The following CNTN4 variants were observed in gnomAD, a reference collection of about 807,000 sequenced individuals.
The protein encoded by CNTN4 is contactin 4.
In CNTN4, 77 loss-of-function variants were observed where a neutral mutation model predicts 122.5. The observed-to-expected ratio is 0.63, with a 90% CI of 0.52 to 0.76. The LOEUF is 0.76. Ranked by LOEUF, CNTN4 falls within the 30% of genes least tolerant of loss-of-function variation. The pLI is 0.00. For missense variants in CNTN4, 1,256 were observed against 1,259.1 expected, an observed-to-expected ratio of 1.00 and a Z score of 0.04; for synonymous variants, 512 against 447.0, an observed-to-expected ratio of 1.15 and a Z score of -1.83.
At chr3:2,863,478 G>A (rs1361438449) in intron 7 of CNTN4, among the ~76,000 whole-genome samples, 1 of 125,420 alleles carries the variant, frequency 8.0e-6, no homozygotes, top group East Asian at 2.2e-4. Context: ...CATAAGAAAT[G>A]GTTACGCTGT....
chr3:2,388,625 A>C (rs1198342608), intron 3 of CNTN4, among the ~76,000 whole-genome samples: 1 of 152,132 alleles, frequency 6.6e-6, no homozygotes, highest in African/African-American at 2.4e-5. Context: ...CAGGCAGATC[A>C]CTGGAGGTCA....
chr3:2,780,407 G>A (rs184766665), intron 6 of CNTN4, among the ~76,000 whole-genome samples: 111 of 152,206 alleles, frequency 7.3e-4, no homozygotes, highest in African/African-American at 2.5e-3. Context: ...AAAAGGCTCT[G>A]GATCTTCCAA....
intron 10 of CNTN4, among the ~76,000 whole-genome samples, chr3:2,892,587 T>C (rs2094055682): frequency 1.3e-5 from 2 of 152,232 alleles, no homozygotes; most frequent in South Asian, 4.1e-4. Flanking sequence ...CTTCATTCTG[T>C]CTCTGTAGTC....
At chr3:2,364,674 T>G (rs1448579137) in intron 3 of CNTN4, among the ~76,000 whole-genome samples, 1 of 152,002 alleles carries the variant, frequency 6.6e-6, no homozygotes, top group East Asian at 1.9e-4. Context: ...TTGCACTGAG[T>G]TGGGAAATTA....
intron 4 of CNTN4, among the ~76,000 whole-genome samples, chr3:2,716,386 TTAAG>T (rs2087500396): frequency 1.3e-5 from 2 of 151,692 alleles, no homozygotes; most frequent in Admixed American, 1.3e-4. Flanking sequence ...GTTTTAAGGA[TTAAG>T]TGAGATACTC....
intron 8 of CNTN4, among the ~76,000 whole-genome samples, chr3:2,877,225 C>CCA (rs2093854813): frequency 6.6e-6 from 1 of 152,196 alleles, no homozygotes; most frequent in East Asian, 1.9e-4. Flanking sequence ...ATCTGTGTTA[C>CCA]CACAGTGTGC....
In CNTN4 at chr3:2,781,828, C is replaced by T. The variant is rs1240783027; in HGVS notation, c.358+36131C>T. Among the ~76,000 whole-genome samples the T allele has an allele frequency of 6.7e-5, 9 of 135,162 alleles. No homozygotes were observed. The South Asian group carries it at 2.1e-3, about 31-fold the overall frequency. The allele number at this position is 135,162 out of a possible 152,430, so 88.7% of individuals were successfully genotyped here. ...CAACCTCCGCCTCCCGGGTTCCCGCCATTCTCCTGCCTCAGCCTCCCGAGT... is the reference window on the plus strand; with the variant it reads ...CAACCTCCGCCTCCCGGGTTCCCGCTATTCTCCTGCCTCAGCCTCCCGAGT... On this transcript the variant is annotated intron_variant, in intron 6 of 24. Transcript: ENST00000418658.
chr3:2,756,568 C>T, intron 6 of CNTN4, among the ~76,000 whole-genome samples: 1 of 152,306 alleles, frequency 6.6e-6, no homozygotes, highest in Middle Eastern at 3.4e-3. Context: ...ATGTGTCTAC[C>T]TGGAAACTGT....
intron 23 of CNTN4, among the ~76,000 whole-genome samples, chr3:3,047,359 T>C (rs1361390523): frequency 6.6e-6 from 1 of 152,178 alleles, no homozygotes; most frequent in Non-Finnish European, 1.5e-5. Flanking sequence ...TATTCCATAA[T>C]TGACCTCATA....
chr3:2,591,175 G>A (rs1451604056), intron 4 of CNTN4, among the ~76,000 whole-genome samples: 2 of 152,138 alleles, frequency 1.3e-5, no homozygotes, highest in Non-Finnish European at 2.9e-5. Context: ...GAGAAAATGT[G>A]TCTGTAGAGT....
At chr3:3,032,707 A>C (rs1574875856) in intron 16 of CNTN4, among the ~76,000 whole-genome samples, 1 of 152,236 alleles carries the variant, frequency 6.6e-6, no homozygotes, top group East Asian at 1.9e-4. Flanking sequence ...GGCAGCCAGA[A>C]AGGCCACCCT....
chr3:2,905,532 C>G (rs1402846300), intron 12 of CNTN4, among the ~76,000 whole-genome samples: 1 of 152,182 alleles, frequency 6.6e-6, no homozygotes, highest in Non-Finnish European at 1.5e-5. Flanking sequence ...GGGGCTTCAC[C>G]TCTTAAAGGT....
chr3:2,200,929 G>A (rs2038069096), intron 2 of CNTN4, among the ~76,000 whole-genome samples: 1 of 152,142 alleles, frequency 6.6e-6, no homozygotes, highest in African/African-American at 2.4e-5. Context: ...GTGGTAGAAA[G>A]TCTGGTTATA....
At chr3:2,139,921 A>AT (rs2034910239) in intron 2 of CNTN4, among the ~76,000 whole-genome samples, 1 of 152,214 alleles carries the variant, frequency 6.6e-6, no homozygotes, top group Admixed American at 6.5e-5. Flanking sequence ...TTAATCTTGA[A>AT]TTGTAATCCC....
intron 4 of CNTN4, among the ~76,000 whole-genome samples, chr3:2,649,659 G>A (rs2083278415): frequency 6.6e-6 from 1 of 152,156 alleles, no homozygotes; most frequent in African/African-American, 2.4e-5. Context: ...TACCCTTCCA[G>A]CTAACACAAC....
intron 2 of CNTN4, among the ~76,000 whole-genome samples, chr3:2,239,407 C>T (rs545447687): frequency 4.1e-4 from 62 of 152,214 alleles, no homozygotes; most frequent in Non-Finnish European, 7.6e-4. Context: ...CACACATACC[C>T]TCAAATCTCA....
chr3:2,810,316 A>G (rs1175610237), intron 6 of CNTN4, among the ~76,000 whole-genome samples: 1 of 152,218 alleles, frequency 6.6e-6, no homozygotes, highest in Non-Finnish European at 1.5e-5. Context: ...GCATTCTTCC[A>G]AATAGATAAT....
intron 6 of CNTN4, among the ~76,000 whole-genome samples, chr3:2,772,113 T>C (rs1436391303): frequency 6.6e-6 from 1 of 152,108 alleles, no homozygotes; most frequent in East Asian, 1.9e-4. Context: ...TAATGAGCTT[T>C]AGCTAATCTT....
chr3:2,532,712 A>G (rs976399349), intron 3 of CNTN4, among the ~76,000 whole-genome samples: 3 of 152,308 alleles, frequency 2.0e-5, no homozygotes, highest in Admixed American at 1.3e-4. Context: ...TCATTTAAAA[A>G]CAAGAGTTGT....
Sources: allele counts gnomAD v4.1 joint callset (sites outside exome capture counted in the v4.1 genomes callset), GRCh38; gene constraint gnomAD v4.1.1; transcripts MANE v1.5; gene names NCBI Gene and HGNC (gene_info 2026-07-23, HGNC 2026-07-21).